ZNF528: variants seen among roughly 807,000 people sequenced by gnomAD.
ZNF528 encodes the protein zinc finger protein 528.
Under a neutral mutation model 13.3 loss-of-function variants are expected in ZNF528, and 9 were observed. The observed-to-expected ratio is 0.67, with a 90% CI of 0.41 to 1.18. ZNF528 has a LOEUF of 1.18. Among genes scored for constraint, ZNF528 ranks in the 50% most tolerant of loss-of-function variants. The probability of loss-of-function intolerance (pLI) is 0.01; values close to 1 mark genes in which losing one functional copy is unlikely to be tolerated. For synonymous variants in ZNF528, 264 were observed against 254.3 expected, an observed-to-expected ratio of 1.04 and a Z score of -0.36; for missense variants, 858 against 745.4, an observed-to-expected ratio of 1.15 and a Z score of -1.76.
chr19:52,414,184 A>T (rs752712060), intron 6 of ZNF528: 1 of 702,300 alleles, frequency 1.4e-6, no homozygotes, highest in Non-Finnish European at 2.6e-6. Flanking sequence ...AGGTTTCCCC[A>T]TTCACCTTGT....
At position 52,416,786 on chromosome 19, in the gene ZNF528, A is replaced by G; in HGVS notation, c.*47A>G. ...CAAAACCATCATCATGAGTTCTAGC[A>G]TTAATCAACATCAGTGAGTCCATAC... On this transcript the variant is annotated 3_prime_UTR_variant, in exon 7 of 7. Coordinates refer to ENST00000360465, the MANE Select transcript of ZNF528 (RefSeq NM_032423.3). 3.3e-6 allele frequency: 5 copies of G among 1,523,724 alleles called. No homozygotes were observed. The highest frequency in any genetic ancestry group is 4.4e-6 in the Non-Finnish European group (5 of 1,127,326). The allele number at this position is 1,523,724 out of a possible 1,614,324, so 94.4% of individuals were successfully genotyped here.
At chr19:52,412,894 C>T (rs2058949092) in intron 6 of ZNF528, 1 of 152,204 alleles carries the variant, frequency 6.6e-6, no homozygotes, top group South Asian at 2.1e-4. Context: ...AGCAATGAAG[C>T]TCAGTTCCTT....
intron 6 of ZNF528, among the ~76,000 whole-genome samples, chr19:52,408,849 G>A (rs972820926): frequency 6.6e-6 from 1 of 152,174 alleles, no homozygotes; most frequent in Non-Finnish European, 1.5e-5. Context: ...TTACAGGCAT[G>A]AGCCACTGCG....
chr19:52,408,977 T>C (rs950703595), intron 6 of ZNF528, among the ~76,000 whole-genome samples: 1 of 152,200 alleles, frequency 6.6e-6, no homozygotes, highest in South Asian at 2.1e-4. Flanking sequence ...AGAATACTAA[T>C]TAACTTCCTC....
At chr19:52,402,698 A>G (rs1819831679) in intron 4 of ZNF528, among the ~76,000 whole-genome samples, 1 of 152,068 alleles carries the variant, frequency 6.6e-6, no homozygotes, top group South Asian at 2.1e-4. Context: ...CACCACCCCC[A>G]GCCATATCCA....
intron 6 of ZNF528, chr19:52,406,948 C>CTTTTT: frequency 2.7e-6 from 1 of 367,702 alleles, no homozygotes; most frequent in African/African-American, 2.1e-5. Context: ...CTTTATTTTC[C>CTTTTT]TATTTATTTT....
In ZNF528 at chr19:52,416,290, C is replaced by G. The variant is rs1320936891; in HGVS notation, c.1438C>G (p.Leu480Val). 6.2e-7 allele frequency: 1 copy of G among 1,614,084 alleles called. No homozygotes were observed. Among genetic ancestry groups the G allele is most frequent in the Non-Finnish European group, 8.5e-7 (1 of 1,180,018 alleles). Residue 480 changes from leucine to valine, a missense_variant, in exon 7 of 7, where the codon CTA becomes GTA. Transcript: ENST00000360465. ...CGKVFRYKSS[L>V]TSHHRIHTGE... is the part of the protein sequence containing the mutation. ...CAAAGTCTTCAGGTACAAGTCTTCT[C>G]TAACCAGTCATCATAGAATTCATAC...
Position 52,397,853 on chromosome 19 carries a change from T to A in ZNF528, c.-441T>A, listed in dbSNP as rs1397373467. The A allele has an allele frequency of 4.6e-5, 7 of 151,966 alleles. No homozygotes were observed. Among genetic ancestry groups the A allele is most frequent in the Non-Finnish European group, 1.0e-4 (7 of 68,002 alleles). 9.4% of individuals were successfully genotyped at this position (151,966 alleles called of 1,614,324 possible). ...GGGGGCGAACGCCTAGAGCGCAGTT[T>A]CCGGTAGACCCGGAAGCCGATTGCA... On this transcript the variant is annotated 5_prime_UTR_variant, in exon 1 of 7. Coordinates refer to ENST00000360465, the MANE Select transcript of ZNF528 (RefSeq NM_032423.3).
chr19:52,415,638 T>C lies in ZNF528; in HGVS notation c.786T>C (p.Ile262=), dbSNP rs566055871. ...CAAACCTTTCACAACATCAAAGAAT[T>C]CATACTGGAGAGAAGCCTTACAAAT... ...SNSNLSQHQR[I]HTGEKPYKCH... Residue 262 remains isoleucine (I), a synonymous_variant, in exon 7 of 7, where the codon ATT becomes ATC. Coordinates refer to ENST00000360465, the MANE Select transcript of ZNF528 (RefSeq NM_032423.3). 1 of 1,613,534 alleles carries C rather than the reference T, an allele frequency of 6.2e-7. No homozygotes were observed. The highest frequency in any genetic ancestry group is 8.5e-7 in the Non-Finnish European group (1 of 1,179,878).
chr19:52,409,814 T>A (rs1289876962), intron 6 of ZNF528, among the ~76,000 whole-genome samples: 1 of 152,130 alleles, frequency 6.6e-6, no homozygotes, highest in African/African-American at 2.4e-5. Flanking sequence ...CATCCAAGAT[T>A]CAAGCAATTC....
At chr19:52,414,654 A>G (rs4802932) in intron 6 of ZNF528, 256,039 of 378,786 alleles carry the variant, frequency 0.68, 91,078 homozygotes, top group Non-Finnish European at 0.79. Context: ...TCCTGCATTC[A>G]TGATAGTTTG....
At chr19:52,413,937 C>T (rs1461334661) in intron 6 of ZNF528, 1 of 374,750 alleles carries the variant, frequency 2.7e-6, no homozygotes, top group African/African-American at 2.1e-5. Context: ...AAACCATGGG[C>T]CATGCATCAT....
At position 52,402,031 on chromosome 19, in the gene ZNF528, A is replaced by G; in HGVS notation, c.15+3A>G. 1.2e-6 allele frequency: 2 copies of G among 1,614,206 alleles called. No individual in the cohort carries two copies. The highest frequency in any genetic ancestry group is 1.1e-5 in the South Asian group (1 of 91,088). ...AGTCAGGAATGGCCCTTACTCAGGTAAGGTAATGTTCTCAGTGGATTGTTC... is the reference window on the plus strand; with the variant it reads ...AGTCAGGAATGGCCCTTACTCAGGTGAGGTAATGTTCTCAGTGGATTGTTC... On this transcript the variant is annotated splice_donor_region_variant and intron_variant, in intron 4 of 6. Transcript: ENST00000360465.
intron 4 of ZNF528, among the ~76,000 whole-genome samples, chr19:52,404,559 T>C (rs2058832267): frequency 6.6e-6 from 1 of 152,090 alleles, no homozygotes; most frequent in African/African-American, 2.4e-5. Flanking sequence ...TTGCTATTGT[T>C]ATCATCACAG....
intron 4 of ZNF528, 41 bp from the exon 5 acceptor site, chr19:52,405,866 T>A (rs1259771412): frequency 6.2e-7 from 1 of 1,601,236 alleles, no homozygotes; most frequent in Non-Finnish European, 8.5e-7. Flanking sequence ...CGATGAGTAC[T>A]GTGTGCATAC....
chr19:52,405,312 C>T (rs1192929971), intron 4 of ZNF528, among the ~76,000 whole-genome samples: 1 of 151,548 alleles, frequency 6.6e-6, no homozygotes, highest in Admixed American at 6.6e-5. Flanking sequence ...GGGAGGATAG[C>T]TTGAGTTTAG....
Position 52,417,252 on chromosome 19 carries a change from CAG to C in ZNF528, c.*514_*515del, listed in dbSNP as rs1346520446. ...CCCTGGGAAAGAATCAGTAGGATGA[CAG>C]GGCTGACTTCATTAGCTGAGGATTA... is the stretch of plus-strand genomic sequence containing the variant. On this transcript the variant is annotated 3_prime_UTR_variant, in exon 7 of 7. Coordinates refer to ENST00000360465, the MANE Select transcript of ZNF528 (RefSeq NM_032423.3). 3.3e-6 allele frequency: 1 copy of C among 302,000 alleles called. No individual in the cohort carries two copies. The highest frequency in any genetic ancestry group is 6.5e-6 in the Non-Finnish European group (1 of 154,892). The allele number at this position is 302,000 out of a possible 1,614,324, so 18.7% of individuals were successfully genotyped here.
chr19:52,417,283 C>G lies in ZNF528; in HGVS notation c.*544C>G, dbSNP rs2059015219. 13 of 258,884 alleles carry G rather than the reference C, an allele frequency of 5.0e-5. 1 individual carries two copies. 16.0% of individuals were successfully genotyped at this position (258,884 alleles called of 1,614,324 possible). A position where few individuals can be genotyped will look rare whatever the true frequency, so the allele number is the denominator to read the frequency against. ...TGACTTCATTAGCTGAGGATTATTT[C>G]TATCCAATTTCCTGATGAAGGACAT... is the stretch of plus-strand genomic sequence containing the variant. On this transcript the variant is annotated 3_prime_UTR_variant, in exon 7 of 7. Transcript: ENST00000360465.
chr19:52,406,001 T>C lies in ZNF528; in HGVS notation c.110T>C (p.Met37Thr), dbSNP rs1307412376. 9 of 1,611,286 alleles carry C rather than the reference T, an allele frequency of 5.6e-6. No homozygotes were observed. Among genetic ancestry groups the C allele is most frequent in the Middle Eastern group, 1.7e-4 (1 of 6,050 alleles). The change falls in exon 5 of 7, where the codon ATG becomes ACG. Residue 37 changes from methionine (M) to threonine (T), a missense_variant. Coordinates refer to ENST00000360465, the MANE Select transcript of ZNF528 (RefSeq NM_032423.3). ...PAQRTLYRDV[M>T]LENYRNLVSL... ...CAGAGGACTTTATACAGGGACGTGA[T>C]GTTGGAGAATTATAGGAACCTGGTC...
Sources: gnomAD v4.1 joint callset for allele counts (sites outside exome capture counted in the v4.1 genomes callset) on GRCh38, gnomAD v4.1.1 for gene constraint, MANE v1.5 for transcripts, NCBI Gene and HGNC (gene_info 2026-07-23, HGNC 2026-07-21) for gene names.